The following FSTL4 variants were observed in gnomAD, a reference collection of about 807,000 sequenced individuals.
FSTL4 encodes the protein follistatin like 4.
Under a neutral mutation model 78.2 loss-of-function variants are expected in FSTL4, and 28 were observed. The observed-to-expected ratio is 0.36, with a 90% confidence interval of 0.27 to 0.49. The LOEUF is 0.49. Ranked by LOEUF, FSTL4 falls within the 20% of genes least tolerant of loss-of-function variation. The pLI, the probability that FSTL4 is intolerant of heterozygous loss-of-function variation, is 0.98. For missense variants in FSTL4, 922 were observed against 1,084.9 expected (o/e 0.85, Z 2.11); for synonymous variants, 422 against 440.5 (o/e 0.96, Z 0.53).
chr5:133,395,220 A>G (rs974956568), intron 4 of FSTL4, among the ~76,000 whole-genome samples: 2 of 152,138 alleles, frequency 1.3e-5, no homozygotes, highest in Non-Finnish European at 1.5e-5. Context: ...CGCTCTTTGC[A>G]ATAAATATTG....
At chr5:133,673,676 C>T in the FSTL4 span, among the ~76,000 whole-genome samples, 1 of 152,194 alleles carries the variant, frequency 6.6e-6, no homozygotes, top group African/African-American at 2.4e-5. Flanking sequence ...TGCAAATCAA[C>T]ACATGCTTAT....
chr5:133,537,214 C>T (rs1759367747), intron 3 of FSTL4, among the ~76,000 whole-genome samples: 1 of 152,170 alleles, frequency 6.6e-6, no homozygotes, highest in Non-Finnish European at 1.5e-5. Context: ...CAAGTTAATA[C>T]ACTGTTCATT....
At chr5:133,332,563 C>T (rs577811321) in intron 4 of FSTL4, among the ~76,000 whole-genome samples, 52 of 152,330 alleles carry the variant, frequency 3.4e-4, no homozygotes, top group African/African-American at 1.1e-3. Context: ...GCCCTATGCA[C>T]CTGTGTCCCT....
intron 6 of FSTL4, among the ~76,000 whole-genome samples, chr5:133,268,661 T>C (rs115513262): frequency 0.021 from 3,247 of 152,276 alleles, 27 homozygotes; most frequent in Middle Eastern, 0.061. Flanking sequence ...TCATTTTTTT[T>C]CCTAACTTTG....
intron 4 of FSTL4, among the ~76,000 whole-genome samples, chr5:133,381,848 G>T (rs899238153): frequency 6.6e-6 from 1 of 152,242 alleles, no homozygotes; most frequent in African/African-American, 2.4e-5. Context: ...CCTCACTCTA[G>T]TTAAACACGC....
the FSTL4 span, among the ~76,000 whole-genome samples, chr5:133,773,570 C>T: frequency 6.6e-6 from 1 of 152,142 alleles, no homozygotes; most frequent in South Asian, 2.1e-4. Flanking sequence ...CGTGATAGAC[C>T]TCTCTCCCTT....
the FSTL4 span, among the ~76,000 whole-genome samples, chr5:133,659,418 C>T: frequency 6.6e-6 from 1 of 151,832 alleles, no homozygotes; most frequent in Non-Finnish European, 1.5e-5. Context: ...TCTATTCTGG[C>T]CTATTTCTGG....
chr5:133,651,574 T>C, the FSTL4 span, among the ~76,000 whole-genome samples: 1 of 152,164 alleles, frequency 6.6e-6, no homozygotes, highest in Non-Finnish European at 1.5e-5. Flanking sequence ...CAGTCTGGTA[T>C]ACCTGGGATA....
chr5:133,477,260 T>C (rs757440080), intron 3 of FSTL4, among the ~76,000 whole-genome samples: 74 of 152,256 alleles, frequency 4.9e-4, no homozygotes, highest in African/African-American at 1.4e-3. Context: ...AGTTGGCTTA[T>C]ACAAATACTA....
At chr5:133,210,584 C>T (rs1327124661) in intron 13 of FSTL4, among the ~76,000 whole-genome samples, 2 of 151,942 alleles carry the variant, frequency 1.3e-5, no homozygotes, top group African/African-American at 4.8e-5. Flanking sequence ...CCTCCGCCTC[C>T]CAGGCTCAAG....
At chr5:133,486,475 CCTGTT>C (rs1758139290) in intron 3 of FSTL4, among the ~76,000 whole-genome samples, 1 of 152,230 alleles carries the variant, frequency 6.6e-6, no homozygotes, top group Middle Eastern at 3.4e-3. Context: ...CGTTCCCTCT[CCTGTT>C]CTGTCCTTCA....
chr5:133,445,480 G>A (rs1394296330), intron 3 of FSTL4, among the ~76,000 whole-genome samples: 2 of 152,184 alleles, frequency 1.3e-5, no homozygotes, highest in South Asian at 2.1e-4. Flanking sequence ...CCACCCCATC[G>A]GCCCTGCCTG....
chr5:133,611,590 C>G lies in FSTL4; in HGVS notation c.-11+735G>C, dbSNP rs1178569550. 6.6e-6 allele frequency among the ~76,000 whole-genome samples: 1 copy of G among 152,194 alleles called. No individual in the cohort carries two copies. Among genetic ancestry groups the G allele is most frequent in the Non-Finnish European group, 1.5e-5 (1 of 68,034 alleles). ...AGCCCCCAGCCCGAACGCTGAACGC[C>G]CCCAACACACTGCTCCCTAGACACG... is the stretch of plus-strand genomic sequence containing the variant. On this transcript the variant is annotated intron_variant, in intron 1 of 15. Transcript: ENST00000265342. The surrounding 1 kb of genome is among the most constrained non-coding windows in gnomAD (Gnocchi z 4.9).
At chr5:133,714,544 G>A in the FSTL4 span, among the ~76,000 whole-genome samples, 4 of 152,170 alleles carry the variant, frequency 2.6e-5, no homozygotes, top group South Asian at 4.1e-4. Flanking sequence ...TCTTTGCTGC[G>A]TCTTCACTTC....
At chr5:133,561,101 A>G (rs1759903465) in intron 3 of FSTL4, among the ~76,000 whole-genome samples, 1 of 139,942 alleles carries the variant, frequency 7.1e-6, no homozygotes, top group Non-Finnish European at 1.6e-5. Context: ...AATAATAATA[A>G]TAATAATAAT....
the FSTL4 span, among the ~76,000 whole-genome samples, chr5:133,622,921 T>C: frequency 2.6e-5 from 4 of 152,162 alleles, no homozygotes; most frequent in Admixed American, 1.3e-4. Flanking sequence ...GTCAGACTTA[T>C]CATTTTTTCC....
At chr5:133,362,810 A>G (rs1296970281) in intron 4 of FSTL4, among the ~76,000 whole-genome samples, 1 of 152,230 alleles carries the variant, frequency 6.6e-6, no homozygotes, top group Non-Finnish European at 1.5e-5. Context: ...ATCCTAGTTA[A>G]TTTCTATTTT....
chr5:133,327,602 A>G (rs1025539979), intron 4 of FSTL4, among the ~76,000 whole-genome samples: 1 of 152,154 alleles, frequency 6.6e-6, no homozygotes, highest in Admixed American at 6.5e-5. Context: ...TCCTTCCAAC[A>G]TCCTGGCTCT....
the FSTL4 span, among the ~76,000 whole-genome samples, chr5:133,718,370 C>T: frequency 1.1e-3 from 163 of 152,252 alleles, no homozygotes; most frequent in African/African-American, 3.8e-3. Context: ...TGAGACACTG[C>T]GCTTAGCCAG....
Sources: allele counts gnomAD v4.1 joint callset (sites outside exome capture counted in the v4.1 genomes callset), GRCh38; gene constraint gnomAD v4.1.1; non-coding constraint Gnocchi (gnomAD v3.1); transcripts MANE v1.5; gene names NCBI Gene and HGNC (gene_info 2026-07-23, HGNC 2026-07-21).